The following SPTLC2 variants were observed in gnomAD, a reference collection of about 807,000 sequenced individuals.
SPTLC2 encodes serine palmitoyltransferase 2.
In SPTLC2, 21 loss-of-function variants were observed where a neutral mutation model predicts 62.0. The ratio of observed to expected loss-of-function variants is 0.34; its 90% CI spans 0.24 to 0.49. The LOEUF is 0.49. SPTLC2 is among the 20% of genes least tolerant of loss of function. The pLI is 0.99. For synonymous variants in SPTLC2, 261 were observed against 261.8 expected (o/e 1.00, Z 0.03); for missense variants, 511 against 713.0 (o/e 0.72, Z 3.23).
intron 1 of SPTLC2, among the ~76,000 whole-genome samples, chr14:77,603,636 T>C (rs964811472): frequency 2.0e-5 from 3 of 152,214 alleles, no homozygotes; most frequent in African/African-American, 4.8e-5. Flanking sequence ...AAGTATCTCA[T>C]GTGGAATGGA....
intron 9 of SPTLC2, among the ~76,000 whole-genome samples, chr14:77,550,430 C>T (rs983505649): frequency 2.0e-5 from 3 of 152,026 alleles, no homozygotes; most frequent in East Asian, 1.9e-4. Context: ...CAAAATTAGC[C>T]GGGTGTGGTG....
chr14:77,606,641 A>AT lies in SPTLC2; in HGVS notation c.133-9262dup, dbSNP rs907454807. On this transcript the variant is annotated intron_variant, in intron 1 of 11. Coordinates refer to ENST00000216484, the MANE Select transcript of SPTLC2 (RefSeq NM_004863.4). ...AACTCAAAATCAACATAATCATTTC[A>AT]TTTTTTTTTCCACTCATTCTACAAA... Among the ~76,000 whole-genome samples the AT allele has an allele frequency of 5.3e-5, 8 of 151,506 alleles. No homozygotes were observed. In the South Asian group the frequency reaches 1.0e-3, roughly 20 times the overall value.
At chr14:77,597,118 TG>T in intron 2 of SPTLC2, 67 bp downstream of exon 2, 2 of 1,518,716 alleles carry the variant, frequency 1.3e-6, no homozygotes, top group Non-Finnish European at 1.8e-6. Context: ...AAAAAGCTTT[TG>T]TGCAAAAATA....
intron 9 of SPTLC2, chr14:77,536,115 T>C (rs1192569971): frequency 5.5e-6 from 2 of 363,562 alleles, no homozygotes; most frequent in East Asian, 7.6e-5. Context: ...TTCTAGAGCC[T>C]AGATTTTGAA....
chr14:77,616,331 C>T, intron 1 of SPTLC2, 117 bp downstream of exon 1: 1 of 577,112 alleles, frequency 1.7e-6, no homozygotes, highest in Non-Finnish European at 2.4e-6. Context: ...CCCACACCTG[C>T]GAACGGCGCC....
At chr14:77,578,565 C>T (rs1172330002) in intron 3 of SPTLC2, among the ~76,000 whole-genome samples, 2 of 151,776 alleles carry the variant, frequency 1.3e-5, no homozygotes, top group African/African-American at 4.8e-5. Flanking sequence ...AAAACAAATA[C>T]AAAAATTAGC....
At chr14:77,601,352 C>T (rs1239640014) in intron 1 of SPTLC2, among the ~76,000 whole-genome samples, 1 of 152,108 alleles carries the variant, frequency 6.6e-6, no homozygotes, top group Non-Finnish European at 1.5e-5. Flanking sequence ...CTTTATAATT[C>T]TCCCCACCCT....
chr14:77,521,325 C>A, intron 10 of SPTLC2, 121 bp downstream of exon 10: 2 of 1,239,354 alleles, frequency 1.6e-6, no homozygotes, highest in Non-Finnish European at 2.4e-6. Context: ...GGCATATGTA[C>A]CAAATGAAGG....
At chr14:77,548,146 T>C (rs2079539136) in intron 9 of SPTLC2, among the ~76,000 whole-genome samples, 1 of 152,150 alleles carries the variant, frequency 6.6e-6, no homozygotes, top group East Asian at 1.9e-4. Context: ...TTTAAAAATG[T>C]ATCTATTAAA....
At chr14:77,574,228 T>A (rs923109068) in intron 4 of SPTLC2, among the ~76,000 whole-genome samples, 6 of 152,208 alleles carry the variant, frequency 3.9e-5, no homozygotes, top group African/African-American at 1.2e-4. Flanking sequence ...TATGCCCTTA[T>A]AGAGTGGAAT....
At chr14:77,578,258 T>C (rs1254618510) in intron 3 of SPTLC2, among the ~76,000 whole-genome samples, 4 of 151,998 alleles carry the variant, frequency 2.6e-5, no homozygotes, top group Middle Eastern at 3.2e-3. Flanking sequence ...CTTAAATCAT[T>C]TGAGAAATCA....
chr14:77,546,554 A>G (rs952334236), intron 9 of SPTLC2, among the ~76,000 whole-genome samples: 1 of 152,104 alleles, frequency 6.6e-6, no homozygotes, highest in Admixed American at 6.5e-5. Flanking sequence ...CAAGCTGAAC[A>G]AAGGAAGAAT....
At chr14:77,611,501 A>AAGG (rs1484555485) in intron 1 of SPTLC2, among the ~76,000 whole-genome samples, 1 of 151,480 alleles carries the variant, frequency 6.6e-6, no homozygotes, top group Non-Finnish European at 1.5e-5. Context: ...AACGGAAAGT[A>AAGG]GCAGATGGAT....
chr14:77,615,046 C>T (rs2079958870), intron 1 of SPTLC2, among the ~76,000 whole-genome samples: 1 of 152,032 alleles, frequency 6.6e-6, no homozygotes, highest in Admixed American at 6.6e-5. Flanking sequence ...TTTTCTAACT[C>T]CTACCCGTTA....
At chr14:77,559,663 C>T (rs1024796138) in intron 6 of SPTLC2, among the ~76,000 whole-genome samples, 6 of 152,064 alleles carry the variant, frequency 3.9e-5, no homozygotes, top group Non-Finnish European at 7.4e-5. Context: ...GCTGAGACAG[C>T]AGGATCGTTT....
chr14:77,575,459 A>C (rs1404203016), intron 4 of SPTLC2, among the ~76,000 whole-genome samples: 1 of 152,186 alleles, frequency 6.6e-6, no homozygotes, highest in African/African-American at 2.4e-5. Flanking sequence ...GCTTTGGCCA[A>C]TAGAAGAGGC....
At chr14:77,537,666 A>G (rs983435323) in intron 9 of SPTLC2, among the ~76,000 whole-genome samples, 2 of 152,246 alleles carry the variant, frequency 1.3e-5, no homozygotes, top group Non-Finnish European at 2.9e-5. Flanking sequence ...AACTGGATCC[A>G]TGAGTTCAAA....
At chr14:77,531,248 T>C (rs1424153361) in intron 9 of SPTLC2, among the ~76,000 whole-genome samples, 2 of 152,200 alleles carry the variant, frequency 1.3e-5, no homozygotes, top group East Asian at 1.9e-4. Context: ...TTGCACAACA[T>C]TGAGCATCAC....
chr14:77,525,370 C>T (rs7154707), intron 9 of SPTLC2, among the ~76,000 whole-genome samples: 128,114 of 151,776 alleles, frequency 0.84, 54,180 homozygotes, highest in East Asian at 0.93. Flanking sequence ...GACAGGCGGA[C>T]CACCTGAGGT....
Sources: gnomAD v4.1 joint callset for allele counts (sites outside exome capture counted in the v4.1 genomes callset) on GRCh38, gnomAD v4.1.1 for gene constraint, MANE v1.5 for transcripts, NCBI Gene and HGNC (gene_info 2026-07-23, HGNC 2026-07-21) for gene names.